The following ERICH1 variants were observed in gnomAD, a reference collection of about 807,000 sequenced individuals.
ERICH1 encodes glutamate rich 1, also known as glutamate-rich protein 1.
Under a neutral mutation model 39.6 loss-of-function variants are expected in ERICH1, and 56 were observed. The observed-to-expected ratio is 1.41, with a 90% CI of 1.14 to 1.77. The LOEUF is 1.77. Among genes scored for constraint, ERICH1 ranks in the 40% most tolerant of loss-of-function variants. The pLI is 0.00. For missense variants in ERICH1, 826 were observed against 575.4 expected (o/e 1.44, Z -4.45); for synonymous variants, 313 against 223.6 (o/e 1.40, Z -3.57).
At chr8:631,566 G>A (rs181032869) in intron 3 of ERICH1, among the ~76,000 whole-genome samples, 2 of 152,266 alleles carry the variant, frequency 1.3e-5, no homozygotes, top group Non-Finnish European at 2.9e-5. Context: ...GAGAATTTCG[G>A]TCTCTCCTCC....
intron 1 of ERICH1, among the ~76,000 whole-genome samples, chr8:727,704 G>A (rs1819100820): frequency 6.6e-6 from 1 of 152,192 alleles, no homozygotes; most frequent in Non-Finnish European, 1.5e-5. Flanking sequence ...CTGGGACAGG[G>A]CTCTGTGGCC....
intron 1 of ERICH1, among the ~76,000 whole-genome samples, chr8:716,538 G>C (rs994673823): frequency 3.9e-5 from 6 of 152,246 alleles, no homozygotes; most frequent in African/African-American, 1.4e-4. Context: ...CAACAACTGC[G>C]AATGGGGAGA....
chr8:665,577 A>G (rs1802082458), intron 5 of ERICH1, among the ~76,000 whole-genome samples: 1 of 152,230 alleles, frequency 6.6e-6, no homozygotes, highest in Admixed American at 6.5e-5. Flanking sequence ...GGATGATAAA[A>G]ATCTAATTCC....
At chr8:723,187 C>G (rs1817739589) in intron 1 of ERICH1, among the ~76,000 whole-genome samples, 1 of 152,196 alleles carries the variant, frequency 6.6e-6, no homozygotes, top group Non-Finnish European at 1.5e-5. Context: ...CTGCCTTCCC[C>G]AAGAGTGGAA....
intron 3 of ERICH1, among the ~76,000 whole-genome samples, chr8:630,067 C>A (rs1447476704): frequency 2.2e-5 from 3 of 138,380 alleles, no homozygotes; most frequent in Admixed American, 7.0e-5. Flanking sequence ...CTGACTCACA[C>A]CCTCCTGTGA....
intron 3 of ERICH1, among the ~76,000 whole-genome samples, chr8:630,049 A>G (rs1425045520): frequency 2.5e-4 from 21 of 84,490 alleles, no homozygotes; most frequent in South Asian, 4.7e-4. Flanking sequence ...CCACCCACAC[A>G]GACAGAGCTG....
At chr8:709,069 A>G (rs188173512) in intron 2 of ERICH1, among the ~76,000 whole-genome samples, 1 of 152,298 alleles carries the variant, frequency 6.6e-6, no homozygotes, top group African/African-American at 2.4e-5. Flanking sequence ...AACAGTGTCA[A>G]TATACTAAAA....
At chr8:665,453 C>T (rs1024287048) in intron 5 of ERICH1, among the ~76,000 whole-genome samples, 1 of 152,210 alleles carries the variant, frequency 6.6e-6, no homozygotes, top group African/African-American at 2.4e-5. Flanking sequence ...TCTGAAGTTT[C>T]CAACCACAGA....
At chr8:702,155 C>G (rs1023355938) in intron 2 of ERICH1, among the ~76,000 whole-genome samples, 2 of 150,434 alleles carry the variant, frequency 1.3e-5, no homozygotes, top group Non-Finnish European at 2.9e-5. Context: ...ATCTAAAGAA[C>G]CCCGGAAATT....
chr8:673,532 C>A lies in ERICH1; in HGVS notation c.820G>T (p.Gly274Cys). The A allele has an allele frequency of 6.2e-7, 1 of 1,613,048 alleles. No individual in the cohort carries two copies. Among genetic ancestry groups the A allele is most frequent in the Non-Finnish European group, 8.5e-7 (1 of 1,179,790 alleles). The change falls in exon 4 of 6, where the codon GGT becomes TGT. Residue 274 changes from glycine to cysteine, a missense_variant. Physicochemically the swap from Gly to Cys is radical, Grantham distance 159. Transcript: ENST00000262109. Reference protein sequence around the residue: ...EDVKDAREEDGVDTIEEDLTR... With the variant: ...EDVKDAREEDCVDTIEEDLTR... ...AGGTCTTCCTCAATGGTGTCCACACCGTCCTCCTCCCTGGCGTCTTTAACG... is the reference window on the plus strand; with the variant it reads ...AGGTCTTCCTCAATGGTGTCCACACAGTCCTCCTCCCTGGCGTCTTTAACG...
chr8:720,222 C>G (rs1385374209), intron 1 of ERICH1, among the ~76,000 whole-genome samples: 1 of 152,196 alleles, frequency 6.6e-6, no homozygotes, highest in Non-Finnish European at 1.5e-5. Context: ...GCAGGCCGCG[C>G]AGACATACCA....
chr8:679,437 T>G (rs529053073), intron 3 of ERICH1, among the ~76,000 whole-genome samples: 4 of 138,004 alleles, frequency 2.9e-5, no homozygotes, highest in Admixed American at 2.2e-4. Context: ...GCTCTGGCCG[T>G]CACAGCTCCC....
At chr8:634,183 A>AAAAAAAAAAACAAACAAAAAACAAAC (rs1554481909) in intron 3 of ERICH1, among the ~76,000 whole-genome samples, 2 of 135,806 alleles carry the variant, frequency 1.5e-5, no homozygotes, top group African/African-American at 2.9e-5. Context: ...AAAAAAAAAA[A>AAAAAAAAAAACAAACAAAAAACAAAC]AAACAAACAA....
intron 3 of ERICH1, chr8:641,285 T>C (rs1798947968): frequency 6.6e-6 from 1 of 152,210 alleles, no homozygotes; most frequent in East Asian, 1.9e-4. Context: ...TAATTAATAA[T>C]GCCACAGCAA....
intron 3 of ERICH1, among the ~76,000 whole-genome samples, chr8:631,226 G>A (rs895206810): frequency 6.6e-6 from 1 of 152,274 alleles, no homozygotes; most frequent in Non-Finnish European, 1.5e-5. Flanking sequence ...CCTCTGCTGT[G>A]TTTAATGCCT....
intron 2 of ERICH1, among the ~76,000 whole-genome samples, chr8:708,690 T>G (rs1428464291): frequency 2.6e-4 from 20 of 77,760 alleles, no homozygotes; most frequent in Middle Eastern, 6.0e-3. Flanking sequence ...AGTTTTTTTT[T>G]TTTTTTTTTT....
At chr8:705,477 T>G (rs1813062987) in intron 2 of ERICH1, among the ~76,000 whole-genome samples, 1 of 152,200 alleles carries the variant, frequency 6.6e-6, no homozygotes. Flanking sequence ...AAAAATATGT[T>G]GTTCATGATT....
chr8:704,950 C>A (rs975753598), intron 2 of ERICH1, among the ~76,000 whole-genome samples: 2 of 152,058 alleles, frequency 1.3e-5, no homozygotes, highest in East Asian at 1.9e-4. Flanking sequence ...CAACACATAA[C>A]TGACAAATTT....
At chr8:617,483 T>G (rs147351577) in intron 3 of ERICH1, among the ~76,000 whole-genome samples, 119 of 152,320 alleles carry the variant, frequency 7.8e-4, no homozygotes, top group Middle Eastern at 3.4e-3. Flanking sequence ...GCTCGGTCTA[T>G]CCTCACTTCC....
Sources: gnomAD v4.1 joint callset for allele counts (sites outside exome capture counted in the v4.1 genomes callset) on GRCh38, gnomAD v4.1.1 for gene constraint, MANE v1.5 for transcripts, NCBI Gene and HGNC (gene_info 2026-07-23, HGNC 2026-07-21) for gene names.